SORCS2: variants seen among roughly 807,000 people sequenced by gnomAD.
SORCS2 encodes VPS10 domain-containing receptor SorCS2.
In SORCS2, 100 loss-of-function variants were observed where a neutral mutation model predicts 141.6. The observed-to-expected ratio is 0.71, with a 90% CI of 0.60 to 0.83. The LOEUF is 0.83. Among genes scored for constraint, SORCS2 ranks in the 40% least tolerant of loss-of-function variants. SORCS2 has a pLI of 0.00. For missense variants in SORCS2, 1,646 were observed against 1,560.2 expected, an observed-to-expected ratio of 1.05 and a Z score of -0.93; for synonymous variants, 789 against 676.9, an observed-to-expected ratio of 1.17 and a Z score of -2.57.
chr4:7,714,432 T>C, intron 16 of SORCS2, 59 bp downstream of exon 16: 3 of 1,517,762 alleles, frequency 2.0e-6, no homozygotes, highest in East Asian at 4.9e-5. Flanking sequence ...CCTCACAGCA[T>C]GGCGGCCACT....
intron 1 of SORCS2, among the ~76,000 whole-genome samples, chr4:7,332,092 G>A (rs187618512): frequency 2.0e-5 from 3 of 152,344 alleles, no homozygotes; most frequent in Admixed American, 2.0e-4. Flanking sequence ...GAGAACGCAT[G>A]TTTAGTGAGC....
At chr4:7,312,027 C>T (rs187197418) in intron 1 of SORCS2, among the ~76,000 whole-genome samples, 403 of 152,242 alleles carry the variant, frequency 2.6e-3, no homozygotes, top group Non-Finnish European at 3.7e-3. Flanking sequence ...AGGCACGCAC[C>T]ACCACAGCCA....
chr4:7,564,193 G>GTC, intron 3 of SORCS2, among the ~76,000 whole-genome samples: 1 of 152,256 alleles, frequency 6.6e-6, no homozygotes, highest in Admixed American at 6.5e-5. Context: ...CTTTTCTACT[G>GTC]TCACACACAC....
chr4:7,666,257 C>T (rs896937053), intron 7 of SORCS2, among the ~76,000 whole-genome samples: 6 of 152,168 alleles, frequency 3.9e-5, no homozygotes, highest in Middle Eastern at 3.4e-3. Context: ...CAGACCCGAT[C>T]GCAGGGTGGT....
chr4:7,545,705 C>A (rs1019640939), intron 3 of SORCS2, among the ~76,000 whole-genome samples: 1 of 142,792 alleles, frequency 7.0e-6, no homozygotes, highest in Non-Finnish European at 1.6e-5. Context: ...ACCCCACAGG[C>A]CCTGGAGAGC....
At chr4:7,279,624 G>T (rs1324756681) in intron 1 of SORCS2, among the ~76,000 whole-genome samples, 2 of 152,240 alleles carry the variant, frequency 1.3e-5, no homozygotes, top group African/African-American at 2.4e-5. Context: ...ATCAAGGCAT[G>T]GCGCAGGCCT....
chr4:7,315,798 A>C (rs1718512772), intron 1 of SORCS2, among the ~76,000 whole-genome samples: 1 of 152,116 alleles, frequency 6.6e-6, no homozygotes, highest in African/African-American at 2.4e-5. Context: ...CTCCCCAGTG[A>C]CTAGCTGTGG....
At chr4:7,440,870 G>A (rs1727616985) in intron 2 of SORCS2, among the ~76,000 whole-genome samples, 1 of 152,230 alleles carries the variant, frequency 6.6e-6, no homozygotes, top group Admixed American at 6.5e-5. Flanking sequence ...GCGGGGTGAG[G>A]GCTGCTGGGT....
At chr4:7,266,024 C>G (rs1049676620) in intron 1 of SORCS2, among the ~76,000 whole-genome samples, 5 of 152,216 alleles carry the variant, frequency 3.3e-5, no homozygotes, top group African/African-American at 9.6e-5. Context: ...TCTCCCTGTT[C>G]TCCTTTCCCG....
chr4:7,560,925 C>T (rs1201439290), intron 3 of SORCS2, among the ~76,000 whole-genome samples: 3 of 152,056 alleles, frequency 2.0e-5, no homozygotes, highest in East Asian at 3.9e-4. Flanking sequence ...GTTTGCCAAG[C>T]GAGATGGGAT....
chr4:7,438,984 G>A lies in SORCS2; in HGVS notation c.548+42629G>A, dbSNP rs76147301. On this transcript the variant is annotated intron_variant, in intron 2 of 26. Coordinates refer to ENST00000507866, the MANE Select transcript of SORCS2 (RefSeq NM_020777.3). The stretch of plus-strand genomic sequence containing the variant: ...TTCTGTACTTTCCAGCACAGGGCAT[G>A]TTCCAGGCTCATCTTTTTTATTCCT... Among the ~76,000 whole-genome samples, 125 of 152,274 alleles carry A rather than the reference G, an allele frequency of 8.2e-4. 2 individuals are homozygous for A. In the East Asian group the frequency reaches 0.013, roughly 16 times the overall value.
At chr4:7,403,402 T>G (rs1316383119) in intron 2 of SORCS2, among the ~76,000 whole-genome samples, 1 of 152,120 alleles carries the variant, frequency 6.6e-6, no homozygotes, top group Non-Finnish European at 1.5e-5. Context: ...ATTTTAAGAC[T>G]TCTGCTCAAC....
At chr4:7,649,234 T>C (rs1008052832) in intron 4 of SORCS2, among the ~76,000 whole-genome samples, 1 of 151,520 alleles carries the variant, frequency 6.6e-6, no homozygotes. Flanking sequence ...GCGCAGATGC[T>C]CAGAGGACCC....
In SORCS2 at chr4:7,682,861, T is replaced by G. The variant is rs779034199; in HGVS notation, c.1460T>G (p.Met487Arg). ...TACCTGAGGCCACCCAGCATGGACA[T>G]GAATGGAAAACCAACCAACTGCAAG... ...WDYLRPPSMD[M>R]NGKPTNCKPP... Residue 487 changes from methionine (M) to arginine (R), a missense_variant, in exon 10 of 27, where the codon ATG becomes AGG. Transcript: ENST00000507866. The G allele has an allele frequency of 3.7e-6, 6 of 1,613,548 alleles. No homozygotes were observed. The highest frequency in any genetic ancestry group is 5.1e-6 in the Non-Finnish European group (6 of 1,179,736).
chr4:7,240,835 G>A (rs1422100386), intron 1 of SORCS2, among the ~76,000 whole-genome samples: 2 of 152,178 alleles, frequency 1.3e-5, no homozygotes, highest in African/African-American at 4.8e-5. Flanking sequence ...CTGAAGTCGG[G>A]TGGTTTACAC....
intron 2 of SORCS2, among the ~76,000 whole-genome samples, chr4:7,473,152 C>T (rs948774505): frequency 6.6e-6 from 1 of 152,166 alleles, no homozygotes; most frequent in Non-Finnish European, 1.5e-5. Context: ...ATGCTAATGA[C>T]CAAACATCAG....
chr4:7,486,446 G>C (rs927270241), intron 2 of SORCS2, among the ~76,000 whole-genome samples: 6 of 152,194 alleles, frequency 3.9e-5, no homozygotes, highest in Admixed American at 2.0e-4. Flanking sequence ...CACTGGGCCT[G>C]AGTCCCGTGT....
chr4:7,721,837 C>G (rs1418872578), intron 18 of SORCS2, among the ~76,000 whole-genome samples: 1 of 152,168 alleles, frequency 6.6e-6, no homozygotes. Flanking sequence ...CAGGGTGGAT[C>G]TGTATCATTC....
At chr4:7,475,500 G>A (rs915279472) in intron 2 of SORCS2, among the ~76,000 whole-genome samples, 36 of 152,340 alleles carry the variant, frequency 2.4e-4, no homozygotes, top group Admixed American at 1.4e-3. Flanking sequence ...CAGCCTGGGA[G>A]CAGAGCAAGC....
Sources: gnomAD v4.1 joint callset for allele counts (sites outside exome capture counted in the v4.1 genomes callset) on GRCh38, gnomAD v4.1.1 for gene constraint, MANE v1.5 for transcripts, NCBI Gene and HGNC (gene_info 2026-07-23, HGNC 2026-07-21) for gene names.